NRXN1: variants seen among roughly 807,000 people sequenced by gnomAD.
The protein encoded by NRXN1 is neurexin-1.
Under a neutral mutation model 150.9 loss-of-function variants are expected in NRXN1, and 39 were observed. The ratio of observed to expected loss-of-function variants is 0.26; its 90% CI spans 0.20 to 0.34. NRXN1 has a LOEUF of 0.34. Among genes scored for constraint, NRXN1 ranks in the 10% least tolerant of loss-of-function variants. The pLI is 1.00. For synonymous variants in NRXN1, 924 were observed against 757.0 expected (o/e 1.22, Z -3.62); for missense variants, 1,815 against 1,949.9 (o/e 0.93, Z 1.30).
chr2:50,894,815 A>G (rs1388073516), intron 5 of NRXN1, among the ~76,000 whole-genome samples: 4 of 152,190 alleles, frequency 2.6e-5, no homozygotes, highest in Admixed American at 2.0e-4. Flanking sequence ...ATTAATTAGA[A>G]GAAAATTTAG....
At chr2:50,197,494 T>C (rs553390848) in intron 18 of NRXN1, among the ~76,000 whole-genome samples, 25 of 152,174 alleles carry the variant, frequency 1.6e-4, no homozygotes, top group Non-Finnish European at 2.5e-4. Context: ...ACGTTTTTGA[T>C]GTCTACGTTA....
chr2:50,329,578 AGTGTGTGTGTGT>A lies in NRXN1; in HGVS notation c.3365-92620_3365-92609del, dbSNP rs55865684. 7.9e-3 allele frequency among the ~76,000 whole-genome samples: 270 copies of A among 33,984 alleles called. 5 individuals are homozygous for A. Among genetic ancestry groups the A allele is most frequent in the African/African-American group, 0.01 (109 of 10,650 alleles). 22.3% of individuals were successfully genotyped at this position (33,984 alleles called of 152,430 possible). On this transcript the variant is annotated intron_variant, in intron 17 of 22. Coordinates refer to ENST00000401669, the MANE Select transcript of NRXN1 (RefSeq NM_001330078.2). ...AGATTAAACTATCATATATAACAGTAGTGTGTGTGTGTGTGTGTGTGTGTGTGTGTGTGTGTG... is the reference window on the plus strand; with the variant it reads ...AGATTAAACTATCATATATAACAGTAGTGTGTGTGTGTGTGTGTGTGTGTG...
chr2:50,926,178 T>C (rs1574950066), intron 2 of NRXN1, among the ~76,000 whole-genome samples: 1 of 151,946 alleles, frequency 6.6e-6, no homozygotes, highest in African/African-American at 2.4e-5. Flanking sequence ...AATACTGCCA[T>C]GCCCTGTGCA....
intron 5 of NRXN1, among the ~76,000 whole-genome samples, chr2:50,878,417 C>T (rs1306493588): frequency 2.0e-5 from 3 of 151,196 alleles, no homozygotes; most frequent in African/African-American, 2.4e-5. Flanking sequence ...GAGCCTGACA[C>T]CAGAAGGCCC....
chr2:50,927,167 G>A (rs1286414640), intron 2 of NRXN1, among the ~76,000 whole-genome samples: 2 of 151,956 alleles, frequency 1.3e-5, no homozygotes, highest in Non-Finnish European at 2.9e-5. Context: ...TGCAAGTATA[G>A]AAACTTGAAA....
intron 18 of NRXN1, among the ~76,000 whole-genome samples, chr2:50,154,244 C>T (rs146322551): frequency 1.6e-4 from 25 of 151,610 alleles, no homozygotes; most frequent in South Asian, 6.2e-4. Flanking sequence ...AAAAAGACTA[C>T]GCATTGAGTA....
At chr2:50,517,774 T>A (rs941979857) in intron 12 of NRXN1, among the ~76,000 whole-genome samples, 1 of 152,056 alleles carries the variant, frequency 6.6e-6, no homozygotes, top group Non-Finnish European at 1.5e-5. Context: ...ACTTACTGAG[T>A]ATTTAATTAT....
At chr2:49,954,023 T>C (rs1177556237) in intron 21 of NRXN1, among the ~76,000 whole-genome samples, 1 of 151,966 alleles carries the variant, frequency 6.6e-6, no homozygotes, top group Non-Finnish European at 1.5e-5. Context: ...TAAGAAAAAA[T>C]AAAAAAATTA....
chr2:50,244,440 T>C (rs1020894416), intron 17 of NRXN1, among the ~76,000 whole-genome samples: 1 of 151,934 alleles, frequency 6.6e-6, no homozygotes, highest in Non-Finnish European at 1.5e-5. Context: ...CAATGATTGA[T>C]AGAGATTGTG....
At chr2:50,969,867 G>A (rs903846371) in intron 2 of NRXN1, among the ~76,000 whole-genome samples, 3 of 152,106 alleles carry the variant, frequency 2.0e-5, no homozygotes, top group Non-Finnish European at 2.9e-5. Flanking sequence ...GGGAGCCTTC[G>A]GAATGAAGAC....
At chr2:50,219,371 A>C (rs183390556) in intron 18 of NRXN1, among the ~76,000 whole-genome samples, 2 of 151,902 alleles carry the variant, frequency 1.3e-5, no homozygotes, top group African/African-American at 4.8e-5. Flanking sequence ...AAAAAAAAAA[A>C]AGAGCTCTTA....
intron 21 of NRXN1, among the ~76,000 whole-genome samples, chr2:49,945,678 GT>G (rs1672765079): frequency 6.6e-6 from 1 of 152,018 alleles, no homozygotes; most frequent in African/African-American, 2.4e-5. Flanking sequence ...GAGAATGGTG[GT>G]TTCCAGCTTC....
At chr2:50,809,820 C>T (rs1166367593) in intron 5 of NRXN1, among the ~76,000 whole-genome samples, 3 of 152,138 alleles carry the variant, frequency 2.0e-5, no homozygotes, top group Admixed American at 2.0e-4. Flanking sequence ...AGTTCACCAC[C>T]TCTCATGAGT....
intron 5 of NRXN1, among the ~76,000 whole-genome samples, chr2:50,725,581 C>T (rs890032096): frequency 1.3e-5 from 2 of 152,008 alleles, no homozygotes; most frequent in Non-Finnish European, 2.9e-5. Flanking sequence ...GTAATTTTTC[C>T]AGCACAAGGG....
chr2:50,170,282 ATTTTGTTTTG>A lies in NRXN1; in HGVS notation c.3546+66497_3546+66506del, dbSNP rs542755364. Among the ~76,000 whole-genome samples, 648 of 151,770 alleles carry A rather than the reference ATTTTGTTTTG, an allele frequency of 4.3e-3. 1 individual carries two copies. The highest frequency in any genetic ancestry group is 0.017 in the Middle Eastern group (5 of 294). On this transcript the variant is annotated intron_variant, in intron 18 of 22. Coordinates refer to ENST00000401669, the MANE Select transcript of NRXN1 (RefSeq NM_001330078.2). ...TGCTCAAGGAAATACTCATTAGAAC[ATTTTGTTTTG>A]TTTTGTTTTGTTTTGTTTTTTTTGA...
intron 5 of NRXN1, among the ~76,000 whole-genome samples, chr2:50,870,873 T>G (rs1574776839): frequency 6.6e-6 from 1 of 152,034 alleles, no homozygotes; most frequent in South Asian, 2.1e-4. Flanking sequence ...ACCTATGTCT[T>G]GGACTTCTGC....
chr2:50,422,096 G>A (rs377435034), intron 17 of NRXN1, among the ~76,000 whole-genome samples: 17 of 152,058 alleles, frequency 1.1e-4, no homozygotes, highest in African/African-American at 3.9e-4. Context: ...TTAAAGGAAC[G>A]ATAACAAGAA....
At chr2:50,836,914 T>G (rs1191786276) in intron 5 of NRXN1, among the ~76,000 whole-genome samples, 1 of 147,730 alleles carries the variant, frequency 6.8e-6, no homozygotes, top group African/African-American at 2.5e-5. Flanking sequence ...TTGTGTAAAT[T>G]AAAAAAAAAA....
At chr2:50,925,020 T>C (rs1686648182) in intron 3 of NRXN1, among the ~76,000 whole-genome samples, 1 of 151,848 alleles carries the variant, frequency 6.6e-6, no homozygotes, top group Non-Finnish European at 1.5e-5. Context: ...ATATACTAAA[T>C]GCTGTCTTCC....
Sources: allele counts gnomAD v4.1 joint callset (sites outside exome capture counted in the v4.1 genomes callset), GRCh38; gene constraint gnomAD v4.1.1; transcripts MANE v1.5; gene names NCBI Gene and HGNC (gene_info 2026-07-23, HGNC 2026-07-21).